The following NOS1 variants were observed in gnomAD, a reference collection of about 807,000 sequenced individuals.
NOS1 encodes the protein nitric oxide synthase 1.
NOS1 carries 51 observed loss-of-function variants against 164.5 expected under a neutral mutation model. The ratio of observed to expected loss-of-function variants is 0.31; its 90% CI spans 0.25 to 0.39. The LOEUF (loss-of-function observed/expected upper bound fraction) is 0.39, where lower values mean the gene tolerates loss of function less well. Ranked by LOEUF, NOS1 falls within the 10% of genes least tolerant of loss-of-function variation. The pLI is 1.00. For missense variants in NOS1, 1,362 were observed against 1,885.6 expected, an observed-to-expected ratio of 0.72 and a Z score of 5.14; for synonymous variants, 719 against 745.8, an observed-to-expected ratio of 0.96 and a Z score of 0.59.
chr12:117,265,793 TC>T (rs1268374282), intron 11 of NOS1, among the ~76,000 whole-genome samples: 1 of 151,894 alleles, frequency 6.6e-6, no homozygotes, highest in Non-Finnish European at 1.5e-5. Flanking sequence ...TTTCTTTCTT[TC>T]TTTTTCTTTT....
chr12:117,359,289 C>T (rs983328673), intron 1 of NOS1, among the ~76,000 whole-genome samples: 2 of 152,214 alleles, frequency 1.3e-5, no homozygotes, highest in African/African-American at 4.8e-5. Context: ...GCCTTGAGGG[C>T]GGAGAATGGA....
At chr12:117,353,325 C>G (rs1174755389) in intron 1 of NOS1, among the ~76,000 whole-genome samples, 1 of 152,120 alleles carries the variant, frequency 6.6e-6, no homozygotes, top group Non-Finnish European at 1.5e-5. Flanking sequence ...TACCTACCTA[C>G]CTCTCCATCT....
In NOS1 at chr12:117,356,294, T is replaced by C. The variant is rs1876848624; in HGVS notation, c.-421+5218A>G. Among the ~76,000 whole-genome samples the C allele has an allele frequency of 6.6e-6, 1 of 152,220 alleles. No individual in the cohort carries two copies. On this transcript the variant is annotated intron_variant, in intron 1 of 28. Transcript: ENST00000317775. This position sits in a 1 kb window ranked among gnomAD's most constrained non-coding sequence, Gnocchi z 4.2. ...TGACGTTTCCTAAGATGATTCTCAG[T>C]GTGAGGCCCTCCCTTTCAACCTGGC...
At chr12:117,231,927 C>T (rs374702369) in intron 22 of NOS1, 35 bp downstream of exon 22, 8 of 1,584,586 alleles carry the variant, frequency 5.0e-6, no homozygotes, top group East Asian at 2.3e-5. Flanking sequence ...AGGTGAAATG[C>T]GCCCCCTAGG....
intron 4 of NOS1, among the ~76,000 whole-genome samples, chr12:117,288,809 T>C (rs1164444598): frequency 2.0e-5 from 3 of 152,118 alleles, no homozygotes; most frequent in African/African-American, 4.8e-5. Context: ...TGCAACTACA[T>C]GTGAACAAGC....
intron 1 of NOS1, among the ~76,000 whole-genome samples, chr12:117,334,304 C>T (rs1175339443): frequency 6.6e-6 from 1 of 152,128 alleles, no homozygotes; most frequent in African/African-American, 2.4e-5. Context: ...TGGAAGGAAG[C>T]TGGGCTGGGG....
intron 10 of NOS1, among the ~76,000 whole-genome samples, chr12:117,268,451 C>T (rs1872577385): frequency 6.6e-6 from 1 of 152,082 alleles, no homozygotes; most frequent in Non-Finnish European, 1.5e-5. Flanking sequence ...AGACTGGTCT[C>T]AAACTCCTGG....
chr12:117,327,279 G>C (rs189706454), intron 2 of NOS1, among the ~76,000 whole-genome samples: 1 of 152,340 alleles, frequency 6.6e-6, no homozygotes, highest in East Asian at 1.9e-4. Flanking sequence ...GGGACAGGGA[G>C]GGTGGTAGAG....
chr12:117,258,917 C>A, intron 15 of NOS1, 109 bp downstream of exon 15: 1 of 709,036 alleles, frequency 1.4e-6, no homozygotes, highest in Non-Finnish European at 2.4e-6. Context: ...CTTTCAGGCT[C>A]TGGGAGGGTT....
chr12:117,241,025 C>T (rs777468434), intron 20 of NOS1, among the ~76,000 whole-genome samples: 2 of 151,672 alleles, frequency 1.3e-5, no homozygotes, highest in African/African-American at 2.4e-5. Flanking sequence ...CTGCAGCCTC[C>T]GCCTCCTGGG....
intron 12 of NOS1, among the ~76,000 whole-genome samples, chr12:117,264,970 T>C (rs1437507185): frequency 6.6e-6 from 1 of 151,658 alleles, no homozygotes; most frequent in Non-Finnish European, 1.5e-5. Flanking sequence ...CCCAAAGTGC[T>C]GGGATCACAG....
intron 7 of NOS1, 82 bp downstream of exon 7, chr12:117,285,158 AG>A: frequency 5.4e-6 from 4 of 747,272 alleles, no homozygotes; most frequent in Non-Finnish European, 8.6e-6. Flanking sequence ...TTTCCCTGGC[AG>A]GTGAGCTGAC....
intron 2 of NOS1, among the ~76,000 whole-genome samples, chr12:117,326,403 A>G (rs1396440307): frequency 7.8e-5 from 1 of 12,806 alleles, no homozygotes; most frequent in Admixed American, 1.3e-3. Context: ...AAAAAAAAAC[A>G]AAAAAACAAA....
chr12:117,268,231 A>G, intron 10 of NOS1, 87 bp from the exon 11 acceptor site: 1 of 915,810 alleles, frequency 1.1e-6, no homozygotes, highest in Non-Finnish European at 1.8e-6. Context: ...GCGTGAAATA[A>G]TTTCTTTTCT....
chr12:117,218,959 C>A (rs1408885636), intron 27 of NOS1, among the ~76,000 whole-genome samples: 1 of 150,856 alleles, frequency 6.6e-6, no homozygotes. Context: ...AGAGTGGGTT[C>A]ATTTTCAGTT....
intron 17 of NOS1, among the ~76,000 whole-genome samples, chr12:117,252,592 C>A (rs139818493): frequency 1.3e-4 from 20 of 152,306 alleles, no homozygotes; most frequent in African/African-American, 4.8e-4. Flanking sequence ...GTAGGTACAT[C>A]AGTTCTAACA....
At chr12:117,263,753 C>G in intron 13 of NOS1, 136 bp downstream of exon 13, 4 of 645,248 alleles carry the variant, frequency 6.2e-6, no homozygotes, top group South Asian at 5.7e-5. Flanking sequence ...CAAAGAAGGC[C>G]CAGGTGGCTG....
chr12:117,330,407 T>C lies in NOS1; in HGVS notation c.663A>G (p.Arg221=), dbSNP rs765900209. The part of the protein sequence containing the change: ...PVLSLLTSGS[R]GVKGGAPAKA... Reference sequence around the variant, plus strand: ...TGGCAGGTGCCCCTCCCTTGACCCCTCTGCTCCCACTGGTGAGAAGGCTCA... The same window carrying C: ...TGGCAGGTGCCCCTCCCTTGACCCCCCTGCTCCCACTGGTGAGAAGGCTCA... Residue 221 remains arginine, a synonymous_variant, in exon 2 of 29, where the codon AGA becomes AGG. Coordinates refer to ENST00000317775, the MANE Select transcript of NOS1 (RefSeq NM_000620.5). This position sits in a 1 kb window ranked among gnomAD's most constrained non-coding sequence, Gnocchi z 4.6. 1.2e-6 allele frequency: 2 copies of C among 1,614,098 alleles called. No homozygotes were observed.
intron 2 of NOS1, among the ~76,000 whole-genome samples, chr12:117,312,582 A>ATT (rs879930377): frequency 6.7e-6 from 1 of 149,042 alleles, no homozygotes; most frequent in Non-Finnish European, 1.5e-5. Context: ...TGTCTGCCTA[A>ATT]TTTTTTTTTT....
Sources: gnomAD v4.1 joint callset for allele counts (sites outside exome capture counted in the v4.1 genomes callset) on GRCh38, gnomAD v4.1.1 for gene constraint, Gnocchi (gnomAD v3.1) non-coding constraint, MANE v1.5 for transcripts, NCBI Gene and HGNC (gene_info 2026-07-23, HGNC 2026-07-21) for gene names.